Variants in EDEM3 observed in about 807,000 individuals in gnomAD.
EDEM3 encodes ER degradation enhancing alpha-mannosidase like protein 3, also known as ER degradation-enhancing alpha-mannosidase-like protein 3.
Under a neutral mutation model 110.2 loss-of-function variants are expected in EDEM3, and 60 were observed. That is an observed-to-expected ratio of 0.54 (90% confidence interval 0.44 to 0.67). The LOEUF (loss-of-function observed/expected upper bound fraction) is 0.67, where lower values mean the gene tolerates loss of function less well. EDEM3 is among the 30% of genes least tolerant of loss of function. EDEM3 has a pLI of 0.00. For missense variants in EDEM3, 996 were observed against 1,121.0 expected (o/e 0.89, Z 1.59); for synonymous variants, 352 against 382.9 (o/e 0.92, Z 0.94).
At chr1:184,719,683 A>C (rs1650773397) in intron 9 of EDEM3, 115 bp from the exon 10 acceptor site, 4 of 952,640 alleles carry the variant, frequency 4.2e-6, no homozygotes, top group Non-Finnish European at 5.9e-6. Flanking sequence ...AAATTCACTA[A>C]ATAACTACCA....
At position 184,694,075 on chromosome 1, in the gene EDEM3, C is replaced by T. The variant is rs1300658005; in HGVS notation, c.2787G>A (p.Lys929=). The change falls in exon 20 of 20, where the codon AAG becomes AAA. Residue 929 remains lysine (K), a synonymous_variant. Transcript: ENST00000318130. ...EDIEAFEMME[K]DEL is the part of the protein sequence containing the mutation. ...ATTGTTTAGCAAGTCATAGCTCATC[C>T]TTCTCCATCATTTCAAATGCTTCTA... is the stretch of plus-strand genomic sequence containing the variant. 1 of 1,611,886 alleles carries T rather than the reference C, an allele frequency of 6.2e-7. No homozygotes were observed. Among genetic ancestry groups the T allele is most frequent in the East Asian group, 2.2e-5 (1 of 44,844 alleles).
rs554470175 is a variant in EDEM3, at chr1:184,747,566, T to C, written c.204+1981A>G. Among the ~76,000 whole-genome samples the C allele has an allele frequency of 3.9e-4, 60 of 152,334 alleles. No homozygotes were observed. In the South Asian group the frequency reaches 6.8e-3, roughly 17 times the overall value. On this transcript the variant is annotated intron_variant, in intron 2 of 19. Coordinates refer to ENST00000318130, the MANE Select transcript of EDEM3 (RefSeq NM_025191.4). ...AGCAAGAGTCACTCACATTGTAAAA[T>C]AGTTGAACATTTTAAAATACATATT...
intron 19 of EDEM3, among the ~76,000 whole-genome samples, chr1:184,700,161 T>C (rs1190509803): frequency 1.3e-5 from 2 of 151,990 alleles, no homozygotes; most frequent in Non-Finnish European, 2.9e-5. Context: ...TAAATGTGTA[T>C]TAAGATGACC....
chr1:184,748,674 C>A (rs1341718629), intron 2 of EDEM3, among the ~76,000 whole-genome samples: 1 of 152,082 alleles, frequency 6.6e-6, no homozygotes, highest in Admixed American at 6.5e-5. Context: ...GCATAAATTA[C>A]ATATATTTAG....
intron 2 of EDEM3, among the ~76,000 whole-genome samples, chr1:184,738,539 C>A (rs1271437060): frequency 6.6e-6 from 1 of 152,078 alleles, no homozygotes; most frequent in Non-Finnish European, 1.5e-5. Flanking sequence ...GTATCAGATA[C>A]CTAAAAATAG....
rs1168934491 is a variant in EDEM3 at position 184,754,583 on chromosome 1, C to G, written c.64G>C (p.Val22Leu). 19 of 1,612,146 alleles carry G rather than the reference C, an allele frequency of 1.2e-5. No individual in the cohort carries two copies. Among genetic ancestry groups the G allele is most frequent in the Non-Finnish European group, 1.6e-5 (19 of 1,179,468 alleles). The change falls in exon 1 of 20, where the codon GTG becomes CTG. Residue 22 changes from valine to leucine, a missense_variant. Around this residue, in one of 5 missense-constraint regions of EDEM3, gnomAD observed 200 missense variants for 183.8 expected, o/e 1.09. Transcript: ENST00000318130. ...AGGCAGAACGCGGCCGTCGCCGCCA[C>G]TAGTCTCCATCGCGCTCGCTGGGGA... ...PVPQRARWRL[V>L]AATAAFCLVS...
intron 8 of EDEM3, 69 bp from the exon 9 acceptor site, chr1:184,721,455 C>A: frequency 8.6e-7 from 1 of 1,160,254 alleles, no homozygotes. Context: ...AAAAAAATAG[C>A]ACTCCTTAGA....
At chr1:184,747,613 A>C (rs1432367826) in intron 2 of EDEM3, among the ~76,000 whole-genome samples, 1 of 152,230 alleles carries the variant, frequency 6.6e-6, no homozygotes, top group Non-Finnish European at 1.5e-5. Flanking sequence ...GTATGGTCCC[A>C]CTGGAAATAT....
chr1:184,722,777 A>G (rs1049954791), intron 8 of EDEM3, among the ~76,000 whole-genome samples: 22 of 151,830 alleles, frequency 1.4e-4, no homozygotes, highest in Non-Finnish European at 8.8e-5. Context: ...AAACAAGATA[A>G]GCTTTTTAGA....
chr1:184,724,120 CTT>C (rs1423577679), intron 7 of EDEM3, among the ~76,000 whole-genome samples: 1 of 151,954 alleles, frequency 6.6e-6, no homozygotes, highest in Non-Finnish European at 1.5e-5. Flanking sequence ...TTCATCTACT[CTT>C]TTTGTTTTTT....
intron 2 of EDEM3, among the ~76,000 whole-genome samples, chr1:184,741,044 G>A (rs12124929): frequency 0.3 from 46,135 of 152,066 alleles, 8,576 homozygotes; most frequent in East Asian, 0.55. Context: ...GTTATACAAT[G>A]AGAAGGCAGC....
At chr1:184,708,574 A>G (rs904950523) in intron 16 of EDEM3, among the ~76,000 whole-genome samples, 4 of 152,210 alleles carry the variant, frequency 2.6e-5, no homozygotes, top group African/African-American at 9.6e-5. Context: ...TCGCTATTCT[A>G]TAAACCACTT....
intron 6 of EDEM3, among the ~76,000 whole-genome samples, chr1:184,729,547 A>G: frequency 6.6e-6 from 1 of 152,154 alleles, no homozygotes; most frequent in Non-Finnish European, 1.5e-5. Context: ...AAAATGACCA[A>G]CTCTTACAAT....
intron 19 of EDEM3, among the ~76,000 whole-genome samples, chr1:184,695,290 G>C (rs1229827390): frequency 2.0e-5 from 3 of 151,958 alleles, no homozygotes; most frequent in African/African-American, 7.2e-5. Context: ...ATAGTGCTAG[G>C]GATAAAATGA....
intron 9 of EDEM3, among the ~76,000 whole-genome samples, chr1:184,720,213 C>T (rs1650807768): frequency 6.6e-6 from 1 of 152,054 alleles, no homozygotes; most frequent in Non-Finnish European, 1.5e-5. Context: ...ATCTAATAAA[C>T]AATCTATGTG....
At chr1:184,712,171 C>G (rs374815522) in intron 14 of EDEM3, among the ~76,000 whole-genome samples, 41 of 152,204 alleles carry the variant, frequency 2.7e-4, no homozygotes, top group African/African-American at 9.1e-4. Context: ...TGTGATCCAC[C>G]TACCTGGGCC....
intron 2 of EDEM3, among the ~76,000 whole-genome samples, chr1:184,744,249 A>AACATAT (rs1269022771): frequency 2.3e-5 from 2 of 87,620 alleles, no homozygotes; most frequent in South Asian, 7.9e-4. Flanking sequence ...ACAAATGACA[A>AACATAT]ATATATATAT....
intron 9 of EDEM3, 47 bp from the exon 10 acceptor site, chr1:184,719,615 G>A (rs1464225697): frequency 6.2e-7 from 1 of 1,604,312 alleles, no homozygotes; most frequent in African/African-American, 1.3e-5. Context: ...GAAAAAAGAG[G>A]TACTACTCTA....
chr1:184,752,095 T>C lies in EDEM3; in HGVS notation c.158+2394A>G, dbSNP rs1045677397. Among the ~76,000 whole-genome samples, 6 of 152,246 alleles carry C rather than the reference T, an allele frequency of 3.9e-5. No homozygotes were observed. In the South Asian group the frequency reaches 1.2e-3, roughly 31 times the overall value. On this transcript the variant is annotated intron_variant, in intron 1 of 19. Coordinates refer to ENST00000318130, the MANE Select transcript of EDEM3 (RefSeq NM_025191.4). ...AGTTACGTCTCCTGCCCACGTGCTA[T>C]AGAAACTGGATTGTTTTCTACTTCA...
Sources: gnomAD v4.1 joint callset for allele counts (sites outside exome capture counted in the v4.1 genomes callset) on GRCh38, gnomAD v4.1.1 for gene constraint, gnomAD v4.1.1 regional missense constraint, MANE v1.5 for transcripts, NCBI Gene and HGNC (gene_info 2026-07-23, HGNC 2026-07-21) for gene names.